The following ANKHD1 variants were observed in gnomAD, a reference collection of about 807,000 sequenced individuals.
ANKHD1 encodes ankyrin repeat and KH domain-containing protein 1.
A neutral mutation model predicts 230.5 loss-of-function variants in ANKHD1; 31 were observed. That is an observed-to-expected ratio of 0.13 (90% confidence interval 0.10 to 0.18). ANKHD1 has a LOEUF of 0.18. Among genes scored for constraint, ANKHD1 ranks in the 10% least tolerant of loss-of-function variants. The pLI is 1.00. For synonymous variants in ANKHD1, 1,074 were observed against 1,117.6 expected, an observed-to-expected ratio of 0.96 and a Z score of 0.78; for missense variants, 2,256 against 3,071.3, an observed-to-expected ratio of 0.73 and a Z score of 6.27.
At chr5:140,518,165 C>T (rs1461981072) in intron 24 of ANKHD1, among the ~76,000 whole-genome samples, 5 of 152,122 alleles carry the variant, frequency 3.3e-5, no homozygotes, top group South Asian at 2.1e-4. Flanking sequence ...AACACCTCTA[C>T]GCAAATAAAC....
At position 140,529,435 on chromosome 5, in the gene ANKHD1, T is replaced by C. The variant is rs756805738; in HGVS notation, c.6489T>C (p.Asn2163=). 10 of 1,614,094 alleles carry C rather than the reference T, an allele frequency of 6.2e-6. No individual in the cohort carries two copies. The highest frequency in any genetic ancestry group is 8.5e-6 in the Non-Finnish European group (10 of 1,180,052). The part of the protein sequence containing the change: ...HQDPQSIFVT[N]PVTLTPPQGP... Reference sequence around the variant, plus strand: ...ATCCCCAGTCTATTTTTGTTACGAATCCAGTTACTTTAACACCACCTCAAG... The same window carrying C: ...ATCCCCAGTCTATTTTTGTTACGAACCCAGTTACTTTAACACCACCTCAAG... Residue 2163 remains asparagine, a synonymous_variant, in exon 29 of 34, where the codon AAT becomes AAC. Transcript: ENST00000360839.
chr5:140,522,206 A>G (rs759937485), intron 24 of ANKHD1, among the ~76,000 whole-genome samples: 3 of 152,240 alleles, frequency 2.0e-5, no homozygotes, highest in Admixed American at 6.5e-5. Flanking sequence ...CATAAATGGA[A>G]TCATATAATA....
intron 14 of ANKHD1, among the ~76,000 whole-genome samples, chr5:140,493,084 G>A (rs974787828): frequency 3.9e-5 from 6 of 152,148 alleles, no homozygotes; most frequent in East Asian, 1.9e-4. Context: ...TCTTTGAGAC[G>A]GAGTTTTAGT....
In ANKHD1 at chr5:140,524,254, C is replaced by A; in HGVS notation, c.4492+14C>A. On this transcript the variant is annotated intron_variant, in intron 25 of 33. Coordinates refer to ENST00000360839, the MANE Select transcript of ANKHD1 (RefSeq NM_017747.3). ...ATGATGAAGATGGTGAGAAACAAAC[C>A]ATCTGAATTAACGATAAAATTCTCC... The A allele has an allele frequency of 6.5e-7, 1 of 1,550,330 alleles. No homozygotes were observed. Among genetic ancestry groups the A allele is most frequent in the South Asian group, 1.3e-5 (1 of 79,148 alleles).
chr5:140,533,589 A>G (rs1375880366), intron 29 of ANKHD1, among the ~76,000 whole-genome samples: 2 of 152,004 alleles, frequency 1.3e-5, no homozygotes, highest in African/African-American at 4.8e-5. Context: ...ACAGAGCGAG[A>G]CACCCTCTCA....
intron 29 of ANKHD1, among the ~76,000 whole-genome samples, chr5:140,534,197 C>T (rs1229721302): frequency 6.6e-6 from 1 of 152,030 alleles, no homozygotes; most frequent in African/African-American, 2.4e-5. Flanking sequence ...TCGAGACCAT[C>T]CTGGCCAACA....
chr5:140,463,990 A>G (rs1287190192), intron 9 of ANKHD1, among the ~76,000 whole-genome samples: 1 of 151,990 alleles, frequency 6.6e-6, no homozygotes, highest in East Asian at 1.9e-4. Context: ...CAAGATTTTT[A>G]CTTAAGTTCA....
chr5:140,457,625 G>A (rs914347169), intron 7 of ANKHD1, among the ~76,000 whole-genome samples: 1 of 152,082 alleles, frequency 6.6e-6, no homozygotes, highest in Non-Finnish European at 1.5e-5. Flanking sequence ...GACAGCGCAT[G>A]TTCTCACTCA....
rs1182356507 is a variant in ANKHD1 at position 140,528,201 on chromosome 5, C to T, written c.5255C>T (p.Thr1752Ile). ...TCCCTTAGGGGTGGCACAGAATCAACAAGATATGCAGTTCAACTAATCAAT... is the reference window on the plus strand; with the variant it reads ...TCCCTTAGGGGTGGCACAGAATCAATAAGATATGCAGTTCAACTAATCAAT... ...MITIRGGTES[T>I]RYAVQLINAL... The change falls in exon 29 of 34, where the codon ACA becomes ATA. Residue 1752 changes from threonine to isoleucine, a missense_variant. Physicochemically the swap from Thr to Ile is moderately conservative, Grantham distance 89. Coordinates refer to ENST00000360839, the MANE Select transcript of ANKHD1 (RefSeq NM_017747.3). 2.5e-6 allele frequency: 4 copies of T among 1,589,648 alleles called. No homozygotes were observed. The highest frequency in any genetic ancestry group is 3.4e-6 in the Non-Finnish European group (4 of 1,168,944).
At position 140,485,843 on chromosome 5, in the gene ANKHD1, A is replaced by G. The variant is rs1751477749; in HGVS notation, c.2142+111A>G. ...TGGACTTGTTTTTATTCTCTGTTAC[A>G]TATTGAGAAAATCATGACTCTAAAT... On this transcript the variant is annotated intron_variant, in intron 13 of 33. Transcript: ENST00000360839. The surrounding 1 kb of genome is among the most constrained non-coding windows in gnomAD (Gnocchi z 4.8). 4.9e-6 allele frequency: 7 copies of G among 1,427,194 alleles called. No homozygotes were observed. The highest frequency in any genetic ancestry group is 1.3e-5 in the South Asian group (1 of 74,430). 88.4% of individuals were successfully genotyped at this position (1,427,194 alleles called of 1,614,324 possible).
At chr5:140,505,931 A>G in intron 18 of ANKHD1, 62 bp downstream of exon 18, 1 of 1,520,162 alleles carries the variant, frequency 6.6e-7, no homozygotes, top group Non-Finnish European at 8.8e-7. Context: ...TATGCATATG[A>G]TTCGTATTTT....
chr5:140,426,487 T>C (rs929935216), intron 1 of ANKHD1, among the ~76,000 whole-genome samples: 2 of 152,056 alleles, frequency 1.3e-5, no homozygotes, highest in African/African-American at 2.4e-5. Context: ...AGGTTTAGTC[T>C]TTCCTTGAAC....
chr5:140,477,198 C>G (rs997439307), intron 10 of ANKHD1, among the ~76,000 whole-genome samples: 1 of 152,116 alleles, frequency 6.6e-6, no homozygotes, highest in Admixed American at 6.5e-5. Context: ...GAAATGAATA[C>G]TCCTCCAACT....
intron 24 of ANKHD1, among the ~76,000 whole-genome samples, chr5:140,517,487 A>C (rs1158278224): frequency 6.8e-6 from 1 of 147,344 alleles, no homozygotes; most frequent in Admixed American, 6.8e-5. Flanking sequence ...CAGAATATAC[A>C]TTTTTTTCAG....
At position 140,528,915 on chromosome 5, in the gene ANKHD1, C is replaced by A; in HGVS notation, c.5969C>A (p.Ser1990Tyr). ...TSTCSSLPSV[S>Y]SAPITSGQAP... ...ACTTGTAGTTCCCTGCCTTCTGTCT[C>A]CTCTGCACCTATCACTAGCGGGCAA... The change falls in exon 29 of 34, where the codon TCC (serine) becomes TAC (tyrosine). Residue 1990 changes from serine to tyrosine, a missense_variant. Around this residue, in one of 13 missense-constraint regions of ANKHD1, gnomAD observed 778 missense variants for 966.5 expected, o/e 0.80. Coordinates refer to ENST00000360839, the MANE Select transcript of ANKHD1 (RefSeq NM_017747.3). The A allele has an allele frequency of 6.2e-7, 1 of 1,614,216 alleles. No individual in the cohort carries two copies.
intron 1 of ANKHD1, among the ~76,000 whole-genome samples, chr5:140,404,917 T>G (rs80325402): frequency 0.021 from 3,144 of 151,598 alleles, 113 homozygotes; most frequent in African/African-American, 0.072. Flanking sequence ...GAGCACTAGT[T>G]TGCCCCCAAA....
Position 140,529,008 on chromosome 5 carries a change from T to A in ANKHD1, c.6062T>A (p.Phe2021Tyr), listed in dbSNP as rs181193332. Reference sequence around the variant, plus strand: ...CTTTCTTCACAAAAGATGGAGTCTTTCTCTGCTGTGCCACCCACCAAAGAG... The same window carrying A: ...CTTTCTTCACAAAAGATGGAGTCTTACTCTGCTGTGCCACCCACCAAAGAG... ...AQLSSQKMES[F>Y]SAVPPTKEKV... The change falls in exon 29 of 34, where the codon TTC (phenylalanine) becomes TAC (tyrosine). Residue 2021 changes from phenylalanine to tyrosine, a missense_variant. By Grantham distance (22) the Phe-to-Tyr change is conservative. Coordinates refer to ENST00000360839, the MANE Select transcript of ANKHD1 (RefSeq NM_017747.3). 6.2e-7 allele frequency: 1 copy of A among 1,614,142 alleles called. No homozygotes were observed. Among genetic ancestry groups the A allele is most frequent in the East Asian group, 2.2e-5 (1 of 44,890 alleles).
chr5:140,431,218 A>G (rs1773019736), intron 1 of ANKHD1, among the ~76,000 whole-genome samples: 1 of 152,202 alleles, frequency 6.6e-6, no homozygotes, highest in South Asian at 2.1e-4. Flanking sequence ...TATTCATATC[A>G]TTTATCTGTA....
chr5:140,515,158 GC>G (rs1561818488), intron 24 of ANKHD1, among the ~76,000 whole-genome samples: 2 of 151,700 alleles, frequency 1.3e-5, no homozygotes, highest in Non-Finnish European at 2.9e-5. Flanking sequence ...CATGCCTGTA[GC>G]CCCAGCTACT....
Sources: allele counts gnomAD v4.1 joint callset (sites outside exome capture counted in the v4.1 genomes callset), GRCh38; gene constraint gnomAD v4.1.1; regional missense constraint gnomAD v4.1.1; non-coding constraint Gnocchi (gnomAD v3.1); transcripts MANE v1.5; gene names NCBI Gene and HGNC (gene_info 2026-07-23, HGNC 2026-07-21).